Variants in TXLNG observed in about 807,000 individuals in gnomAD.
TXLNG encodes the protein gamma-taxilin.
Under a neutral mutation model 38.8 loss-of-function variants are expected in TXLNG, and 5 were observed. That is an observed-to-expected ratio of 0.13 (90% CI 0.07 to 0.27). The LOEUF is 0.27. Ranked by LOEUF, TXLNG falls within the 10% of genes least tolerant of loss-of-function variation. The probability of loss-of-function intolerance (pLI) is 1.00; values close to 1 mark genes in which losing one functional copy is unlikely to be tolerated. For synonymous variants in TXLNG, 182 were observed against 158.2 expected (o/e 1.15, Z -1.13); for missense variants, 393 against 398.2 (o/e 0.99, Z 0.11).
At chrX:16,814,489 C>T (rs1338601764) in intron 1 of TXLNG, among the ~76,000 whole-genome samples, 1 of 111,791 alleles carries the variant, frequency 8.9e-6, no homozygotes, top group Non-Finnish European at 1.9e-5. Flanking sequence ...GTTGCGGGTG[C>T]CCGTAATCCC....
At chrX:16,825,998 C>T (rs1929151109) in intron 3 of TXLNG, among the ~76,000 whole-genome samples, 1 of 112,144 alleles carries the variant, frequency 8.9e-6, no homozygotes, top group Admixed American at 9.5e-5. Flanking sequence ...AATTTCAATT[C>T]CTCATTTGCA....
intron 7 of TXLNG, among the ~76,000 whole-genome samples, chrX:16,835,787 C>T (rs943353981): frequency 2.7e-5 from 3 of 112,282 alleles, no homozygotes; most frequent in Non-Finnish European, 5.6e-5. Flanking sequence ...CTTCTCTGCC[C>T]TCACCATGTC....
chrX:16,816,791 TCTTA>T (rs775753116), intron 1 of TXLNG, among the ~76,000 whole-genome samples: 15 of 112,542 alleles, frequency 1.3e-4, no homozygotes, highest in South Asian at 3.6e-4. Context: ...TTTTGGTTCC[TCTTA>T]CTTCTTGAAT....
intron 2 of TXLNG, 60 bp downstream of exon 2, chrX:16,818,937 G>A (rs1928841636): frequency 9.1e-7 from 1 of 1,103,078 alleles, no homozygotes; most frequent in African/African-American, 1.9e-5. Flanking sequence ...TGTGTTTTCT[G>A]CAGCCCAGAT....
chrX:16,821,323 G>A (rs6632901), intron 3 of TXLNG, among the ~76,000 whole-genome samples: 1 of 106,043 alleles, frequency 9.4e-6, no homozygotes, highest in Non-Finnish European at 1.9e-5. Context: ...TGTATTTTTA[G>A]TAGAGATGGG....
At chrX:16,815,334 C>T (rs1928696323) in intron 1 of TXLNG, among the ~76,000 whole-genome samples, 1 of 108,930 alleles carries the variant, frequency 9.2e-6, no homozygotes, top group Non-Finnish European at 1.9e-5. Flanking sequence ...CACCACCACG[C>T]CCAGTTAAAT....
At chrX:16,794,390 T>G (rs1927805996) in intron 1 of TXLNG, among the ~76,000 whole-genome samples, 1 of 112,014 alleles carries the variant, frequency 8.9e-6, no homozygotes, top group Non-Finnish European at 1.9e-5. Context: ...AGCCTCTTAA[T>G]ATCTTTTGCT....
At chrX:16,836,088 T>C (rs1929582763) in intron 7 of TXLNG, among the ~76,000 whole-genome samples, 1 of 112,035 alleles carries the variant, frequency 8.9e-6, no homozygotes, top group African/African-American at 3.2e-5. Flanking sequence ...TGAAACCCCA[T>C]CTCTATAAAA....
At chrX:16,838,392 T>C (rs1402367541) in intron 8 of TXLNG, among the ~76,000 whole-genome samples, 1 of 112,021 alleles carries the variant, frequency 8.9e-6, no homozygotes, top group African/African-American at 3.2e-5. Flanking sequence ...CAGTAGATGT[T>C]AGTCATGACT....
In TXLNG at chrX:16,841,361, T is replaced by C. The variant is rs941591610; in HGVS notation, c.1249-67T>C. ...TGAGAAGTGTCCAATATGGCTGAGCTGGCTTAATTTTTTTGTAACCTGATT... is the reference window on the plus strand; with the variant it reads ...TGAGAAGTGTCCAATATGGCTGAGCCGGCTTAATTTTTTTGTAACCTGATT... On this transcript the variant is annotated intron_variant, in intron 9 of 9. Transcript: ENST00000380122. The C allele has an allele frequency of 4.9e-6, 5 of 1,025,701 alleles. No individual in the cohort carries two copies. The Admixed American group carries it at 1.4e-4, about 29-fold the overall frequency. The allele number at this position is 1,025,701 out of a possible 1,213,427, so 84.5% of individuals were successfully genotyped here.
chrX:16,835,071 A>G (rs1929543782), intron 7 of TXLNG, among the ~76,000 whole-genome samples: 1 of 101,181 alleles, frequency 9.9e-6, no homozygotes, highest in Non-Finnish European at 2.0e-5. Context: ...AGGAGGAGTT[A>G]GCTCCTTAAA....
rs1474361634 is a variant in TXLNG, at chrX:16,837,658, T to C, written c.1125T>C (p.Phe375=). ...CCATGGCAAAAAGCAATGAACTGTT[T>C]ACAACCTTCAGACAGGAAATGGAAA... ...QTTMAKSNEL[F]TTFRQEMEKM... The change falls in exon 8 of 10, where the codon TTT becomes TTC. Residue 375 remains phenylalanine, a synonymous_variant. Transcript: ENST00000380122. The C allele has an allele frequency of 8.3e-7, 1 of 1,204,598 alleles. No homozygotes were observed. Among genetic ancestry groups the C allele is most frequent in the Admixed American group, 2.2e-5 (1 of 45,521 alleles).
chrX:16,801,334 T>C (rs770082895), intron 1 of TXLNG, among the ~76,000 whole-genome samples: 2 of 111,629 alleles, frequency 1.8e-5, no homozygotes, highest in Non-Finnish European at 3.8e-5. Context: ...TACAGGGACA[T>C]GCCACCACAC....
At chrX:16,812,474 A>G (rs1435367036) in intron 1 of TXLNG, among the ~76,000 whole-genome samples, 1 of 102,887 alleles carries the variant, frequency 9.7e-6, no homozygotes, top group African/African-American at 3.6e-5. Context: ...GCTCACTGCA[A>G]CCTCCGCCTC....
At chrX:16,816,174 T>C (rs1270458106) in intron 1 of TXLNG, among the ~76,000 whole-genome samples, 1 of 110,326 alleles carries the variant, frequency 9.1e-6, no homozygotes, top group Non-Finnish European at 1.9e-5. Context: ...TTTTGTATTT[T>C]TAGTAGAGAC....
At chrX:16,799,033 C>G (rs1171089847) in intron 1 of TXLNG, among the ~76,000 whole-genome samples, 1 of 110,450 alleles carries the variant, frequency 9.1e-6, no homozygotes, top group Non-Finnish European at 1.9e-5. Context: ...GCATGCGCCA[C>G]CACGCCCGGC....
At chrX:16,837,530 A>T in intron 7 of TXLNG, 63 bp from the exon 8 acceptor site, 1 of 861,778 alleles carries the variant, frequency 1.2e-6, no homozygotes, top group African/African-American at 2.0e-5. Flanking sequence ...CGTTCTTTTG[A>T]AAGTTTGGGA....
At chrX:16,826,277 AT>A (rs951615535) in intron 3 of TXLNG, among the ~76,000 whole-genome samples, 3 of 111,215 alleles carry the variant, frequency 2.7e-5, no homozygotes, top group Non-Finnish European at 5.7e-5. Flanking sequence ...AAAAACAATG[AT>A]TTTTTTTCCT....
chrX:16,834,932 G>A (rs1178152614), intron 7 of TXLNG, among the ~76,000 whole-genome samples: 1 of 110,517 alleles, frequency 9.0e-6, no homozygotes, highest in African/African-American at 3.3e-5. Flanking sequence ...CAGCTACTCA[G>A]GAGTCCGAGG....
Sources: allele counts gnomAD v4.1 joint callset (sites outside exome capture counted in the v4.1 genomes callset), GRCh38; gene constraint gnomAD v4.1.1; transcripts MANE v1.5; gene names NCBI Gene and HGNC (gene_info 2026-07-23, HGNC 2026-07-21).